The following PAGE2B variants were observed in gnomAD, a reference collection of about 807,000 sequenced individuals.
The protein encoded by PAGE2B is PAGE family member 2B, also known as putative G antigen family E member 3.
A neutral mutation model predicts 7.6 loss-of-function variants in PAGE2B; 5 were observed. That is an observed-to-expected ratio of 0.66 (90% CI 0.34 to 1.38). The LOEUF (loss-of-function observed/expected upper bound fraction) is 1.38, where lower values mean the gene tolerates loss of function less well. PAGE2B is among the 40% of genes most tolerant of loss of function. The pLI is 0.04. For synonymous variants in PAGE2B, 29 were observed against 26.7 expected (o/e 1.09, Z -0.27); for missense variants, 70 against 78.4 (o/e 0.89, Z 0.41).
chrX:55,028,361 C>T, the PAGE2B span, among the ~76,000 whole-genome samples: 1 of 111,068 alleles, frequency 9.0e-6, no homozygotes, highest in East Asian at 2.8e-4. Flanking sequence ...CCCAGAAGTG[C>T]AGGCAAGGCA....
the PAGE2B span, among the ~76,000 whole-genome samples, chrX:55,050,707 C>T: frequency 9.0e-6 from 1 of 111,490 alleles, no homozygotes; most frequent in Non-Finnish European, 1.9e-5. Flanking sequence ...TGTGTCTCTG[C>T]ATGTGAGGTG....
the PAGE2B span, among the ~76,000 whole-genome samples, chrX:55,062,125 G>GT: frequency 9.0e-6 from 1 of 111,532 alleles, no homozygotes; most frequent in African/African-American, 3.3e-5. Context: ...GAATAGGATT[G>GT]TTGGATCGTA....
chrX:55,033,635 G>A, the PAGE2B span, among the ~76,000 whole-genome samples: 15 of 111,489 alleles, frequency 1.3e-4, no homozygotes, highest in Non-Finnish European at 2.8e-4. Context: ...ACCCATGTGG[G>A]AATTCCTCTG....
the PAGE2B span, among the ~76,000 whole-genome samples, chrX:55,057,783 A>G: frequency 8.9e-6 from 1 of 111,948 alleles, no homozygotes. Flanking sequence ...TGGGTCCAGT[A>G]TCAAAGAGTT....
chrX:55,030,373 A>C, the PAGE2B span, among the ~76,000 whole-genome samples: 1 of 111,141 alleles, frequency 9.0e-6, no homozygotes, highest in Non-Finnish European at 1.9e-5. Context: ...CCAATTCATC[A>C]TTCCCATCAC....
chrX:55,041,766 A>G, the PAGE2B span, among the ~76,000 whole-genome samples: 3 of 111,578 alleles, frequency 2.7e-5, no homozygotes, highest in African/African-American at 6.5e-5. Context: ...GGCGGTTCAC[A>G]TCGGCAGGAC....
At chrX:55,032,544 A>C in the PAGE2B span, among the ~76,000 whole-genome samples, 2 of 111,355 alleles carry the variant, frequency 1.8e-5, no homozygotes, top group Admixed American at 9.5e-5. Context: ...CAAGTCACCA[A>C]GTCACCAACA....
chrX:55,047,650 G>T, the PAGE2B span, among the ~76,000 whole-genome samples: 2 of 111,831 alleles, frequency 1.8e-5, no homozygotes, highest in Non-Finnish European at 1.9e-5. Flanking sequence ...GTTTTGATTT[G>T]CATTTCTCTG....
chrX:55,033,527 C>T, the PAGE2B span, among the ~76,000 whole-genome samples: 1 of 111,723 alleles, frequency 9.0e-6, no homozygotes, highest in African/African-American at 3.3e-5. Context: ...CCCATATGCT[C>T]ATGTAGCGTG....
At chrX:55,056,331 C>T in the PAGE2B span, among the ~76,000 whole-genome samples, 1 of 110,569 alleles carries the variant, frequency 9.0e-6, no homozygotes, top group African/African-American at 3.3e-5. Context: ...ACCCTGAAGT[C>T]CAGGTCAGTA....
At chrX:55,052,923 G>A in the PAGE2B span, among the ~76,000 whole-genome samples, 1 of 112,480 alleles carries the variant, frequency 8.9e-6, no homozygotes, top group East Asian at 2.8e-4. Flanking sequence ...GTTCCTATTC[G>A]GCCATCTTGG....
intron 2 of PAGE2B, 67 bp downstream of exon 2, chrX:55,076,192 T>C (rs1330295810): frequency 5.2e-5 from 57 of 1,104,156 alleles, no homozygotes; most frequent in Non-Finnish European, 6.9e-5. Flanking sequence ...TTTGAGCTAG[T>C]GTACACGCAC....
At chrX:55,030,818 C>A in the PAGE2B span, 1 of 183,117 alleles carries the variant, frequency 5.5e-6, no homozygotes, top group South Asian at 8.6e-5. Flanking sequence ...GAAAAAGAGA[C>A]AGATTCTAAG....
At chrX:55,048,115 C>G in the PAGE2B span, among the ~76,000 whole-genome samples, 8 of 112,007 alleles carry the variant, frequency 7.1e-5, 1 homozygote, top group East Asian at 1.4e-3. Context: ...TGTCAAAGAT[C>G]AGATAGCTGT....
chrX:55,052,424 A>C, the PAGE2B span, among the ~76,000 whole-genome samples: 1 of 112,719 alleles, frequency 8.9e-6, no homozygotes, highest in African/African-American at 3.2e-5. Context: ...CTACAGAGGC[A>C]GGCAGGCCTT....
intron 4 of PAGE2B, among the ~76,000 whole-genome samples, chrX:55,078,035 A>G (rs1321339985): frequency 2.6e-5 from 2 of 76,755 alleles, no homozygotes; most frequent in East Asian, 8.2e-4. Context: ...CATTTTACCA[A>G]CAGCCAATAA....
the PAGE2B span, among the ~76,000 whole-genome samples, chrX:55,069,150 A>G: frequency 3.6e-5 from 4 of 111,874 alleles, 1 homozygote; most frequent in African/African-American, 1.3e-4. Flanking sequence ...GTTTTTGCCC[A>G]TTCAGTATGA....
the PAGE2B span, among the ~76,000 whole-genome samples, chrX:55,034,503 T>C: frequency 9.0e-6 from 1 of 111,064 alleles, no homozygotes; most frequent in Non-Finnish European, 1.9e-5. Flanking sequence ...CTTATCATTT[T>C]TGGTTAGGTA....
the PAGE2B span, among the ~76,000 whole-genome samples, chrX:55,053,066 A>G: frequency 8.9e-6 from 1 of 112,763 alleles, no homozygotes; most frequent in Non-Finnish European, 1.9e-5. Flanking sequence ...TGCATTTTAC[A>G]TATGTTTATG....
Sources: allele counts gnomAD v4.1 joint callset (sites outside exome capture counted in the v4.1 genomes callset), GRCh38; gene constraint gnomAD v4.1.1; transcripts MANE v1.5; gene names NCBI Gene and HGNC (gene_info 2026-07-23, HGNC 2026-07-21).